ATP6V1C1: variants seen among roughly 807,000 people sequenced by gnomAD.
ATP6V1C1 encodes the protein V-type proton ATPase subunit C 1.
A neutral mutation model predicts 53.9 loss-of-function variants in ATP6V1C1; 45 were observed. That is an observed-to-expected ratio of 0.83 (90% confidence interval 0.66 to 1.07). ATP6V1C1 has a LOEUF of 1.07. ATP6V1C1 is among the 50% of genes least tolerant of loss of function. The pLI, the probability that ATP6V1C1 is intolerant of heterozygous loss-of-function variation, is 0.00. For synonymous variants in ATP6V1C1, 153 were observed against 155.2 expected, an observed-to-expected ratio of 0.99 and a Z score of 0.11; for missense variants, 315 against 440.3, an observed-to-expected ratio of 0.72 and a Z score of 2.55.
chr8:103,053,558 T>G (rs556193050), intron 6 of ATP6V1C1, among the ~76,000 whole-genome samples: 1 of 151,956 alleles, frequency 6.6e-6, no homozygotes, highest in Non-Finnish European at 1.5e-5. Flanking sequence ...CATAATTATA[T>G]GATGGAATAG....
intron 1 of ATP6V1C1, among the ~76,000 whole-genome samples, chr8:103,040,256 A>T (rs1277746329): frequency 6.6e-6 from 1 of 152,078 alleles, no homozygotes; most frequent in Non-Finnish European, 1.5e-5. Flanking sequence ...TCTACTAAAA[A>T]TACAAAAATT....
intron 8 of ATP6V1C1, among the ~76,000 whole-genome samples, chr8:103,058,217 G>A (rs1817324728): frequency 1.3e-5 from 2 of 152,214 alleles, no homozygotes; most frequent in Non-Finnish European, 2.9e-5. Context: ...GTTTAATGCA[G>A]TCAAGACTTG....
chr8:103,052,324 A>G (rs1399210290), intron 5 of ATP6V1C1, among the ~76,000 whole-genome samples: 1 of 152,106 alleles, frequency 6.6e-6, no homozygotes, highest in East Asian at 1.9e-4. Flanking sequence ...TTCATAGAAA[A>G]ATACTCTGTG....
chr8:103,051,547 A>G (rs1028677754), intron 5 of ATP6V1C1, among the ~76,000 whole-genome samples: 13 of 152,124 alleles, frequency 8.5e-5, no homozygotes, highest in African/African-American at 1.2e-4. Flanking sequence ...ATTAAACTCT[A>G]TGGATTCTCT....
At chr8:103,056,900 G>A (rs1435862013) in intron 8 of ATP6V1C1, among the ~76,000 whole-genome samples, 2 of 152,148 alleles carry the variant, frequency 1.3e-5, no homozygotes, top group African/African-American at 4.8e-5. Context: ...AAGTAGCTTA[G>A]TATGATGGAA....
intron 10 of ATP6V1C1, 159 bp from the exon 11 acceptor site, chr8:103,064,555 A>G (rs2131404524): frequency 3.6e-6 from 2 of 558,890 alleles, no homozygotes; most frequent in Non-Finnish European, 3.0e-6. Flanking sequence ...AAGATAAGGT[A>G]TCTGAGATAA....
chr8:103,053,959 C>T lies in ATP6V1C1; in HGVS notation c.549C>T (p.Val183=), dbSNP rs776546018. Residue 183 remains valine, a synonymous_variant, in exon 7 of 13, where the codon GTC becomes GTT. Transcript: ENST00000518738. Reference sequence around the variant, plus strand: ...TTGTTCTTGATTCAGAGTATCTCGTCACATTACTGGTAGTAGTTCCCAAGT... The same window carrying T: ...TTGTTCTTGATTCAGAGTATCTCGTTACATTACTGGTAGTAGTTCCCAAGT... ...DDFVLDSEYL[V]TLLVVVPKLN... is the part of the protein sequence containing the mutation. 3 of 1,609,662 alleles carry T rather than the reference C, an allele frequency of 1.9e-6. No individual in the cohort carries two copies.
In ATP6V1C1 at chr8:103,040,980, C is replaced by T; in HGVS notation, c.132+12C>T. On this transcript the variant is annotated intron_variant, in intron 2 of 12. Coordinates refer to ENST00000518738, the MANE Select transcript of ATP6V1C1 (RefSeq NM_001695.5). ...TTCCTGACTTAAAGGTGAAGCTGCA[C>T]TGTGCAAAATTATATATGAGTTCAT... 6.2e-7 allele frequency: 1 copy of T among 1,613,440 alleles called. No homozygotes were observed. The highest frequency in any genetic ancestry group is 8.5e-7 in the Non-Finnish European group (1 of 1,179,614).
chr8:103,068,455 T>C (rs1303053986), intron 12 of ATP6V1C1, among the ~76,000 whole-genome samples, 197 bp from the exon 13 acceptor site: 1 of 152,234 alleles, frequency 6.6e-6, no homozygotes, highest in Non-Finnish European at 1.5e-5. Context: ...TGTCTGTGTT[T>C]CCTAGGAGAA....
At chr8:103,053,783 A>G in intron 6 of ATP6V1C1, 101 bp from the exon 7 acceptor site, 1 of 799,754 alleles carries the variant, frequency 1.3e-6, no homozygotes, top group Admixed American at 2.6e-5. Flanking sequence ...ATCCCTCTCA[A>G]TGTATATATA....
chr8:103,068,278 C>T (rs1817529402), intron 12 of ATP6V1C1, among the ~76,000 whole-genome samples: 2 of 152,246 alleles, frequency 1.3e-5, no homozygotes, highest in African/African-American at 2.4e-5. Context: ...ATAAATCATA[C>T]TTGCTTTATT....
At chr8:103,052,887 G>A (rs1817224921) in intron 6 of ATP6V1C1, 65 bp downstream of exon 6, 1 of 969,936 alleles carries the variant, frequency 1.0e-6, no homozygotes. Flanking sequence ...CACCGAAGGA[G>A]ATATTGTTGG....
chr8:103,028,457 A>G (rs1018697996), intron 1 of ATP6V1C1, among the ~76,000 whole-genome samples: 1 of 152,206 alleles, frequency 6.6e-6, no homozygotes, highest in African/African-American at 2.4e-5. Flanking sequence ...CTTCAAGAGT[A>G]TTGCCATTTC....
At chr8:103,027,789 A>G (rs1238900119) in intron 1 of ATP6V1C1, among the ~76,000 whole-genome samples, 1 of 151,302 alleles carries the variant, frequency 6.6e-6, no homozygotes, top group Admixed American at 6.6e-5. Flanking sequence ...GTGCCTCCCT[A>G]TGTTCTTCAG....
chr8:103,062,086 A>T (rs1817408555), intron 8 of ATP6V1C1, among the ~76,000 whole-genome samples: 1 of 151,920 alleles, frequency 6.6e-6, no homozygotes, highest in South Asian at 2.1e-4. Flanking sequence ...GGACCTTCTA[A>T]AGCCTAAAAT....
At chr8:103,053,376 G>T (rs1817234268) in intron 6 of ATP6V1C1, among the ~76,000 whole-genome samples, 2 of 151,892 alleles carry the variant, frequency 1.3e-5, no homozygotes, top group Admixed American at 6.6e-5. Context: ...GATACTGTGA[G>T]TGATACAAAC....
At chr8:103,040,569 C>T (rs1816981472) in intron 1 of ATP6V1C1, among the ~76,000 whole-genome samples, 1 of 152,154 alleles carries the variant, frequency 6.6e-6, no homozygotes, top group Non-Finnish European at 1.5e-5. Context: ...AGGTACTTCA[C>T]ATATTAGGTT....
At chr8:103,041,064 A>C (rs993130015) in intron 2 of ATP6V1C1, 96 bp downstream of exon 2, 26 of 1,335,706 alleles carry the variant, frequency 1.9e-5, no homozygotes, top group Non-Finnish European at 2.6e-5. Flanking sequence ...GGTTCCTTCC[A>C]AAGAAAACCT....
Position 103,042,241 on chromosome 8 carries a change from G to A in ATP6V1C1, c.133-99G>A, listed in dbSNP as rs1157800582. 1.6e-5 allele frequency: 19 copies of A among 1,160,014 alleles called. No homozygotes were observed. The South Asian group carries it at 2.4e-4, about 14-fold the overall frequency. The allele number at this position is 1,160,014 out of a possible 1,614,324, so 71.9% of individuals were successfully genotyped here. A position where few individuals can be genotyped will look rare whatever the true frequency, so the allele number is the denominator to read the frequency against. On this transcript the variant is annotated intron_variant, in intron 2 of 12. Transcript: ENST00000518738. ...TACACATTATGAAATAAAATAGGGA[G>A]AATTTAAGATTTGTGAGAACTTTAG...
Sources: allele counts gnomAD v4.1 joint callset (sites outside exome capture counted in the v4.1 genomes callset), GRCh38; gene constraint gnomAD v4.1.1; transcripts MANE v1.5; gene names NCBI Gene and HGNC (gene_info 2026-07-23, HGNC 2026-07-21).